SULT4A1: variants seen among roughly 807,000 people sequenced by gnomAD.
SULT4A1 encodes the protein sulfotransferase family 4A member 1.
SULT4A1 carries 11 observed loss-of-function variants against 35.2 expected under a neutral mutation model. The ratio of observed to expected loss-of-function variants is 0.31; its 90% CI spans 0.20 to 0.52. SULT4A1 has a LOEUF of 0.52. Ranked by LOEUF, SULT4A1 falls within the 20% of genes least tolerant of loss-of-function variation. The pLI is 0.97. For missense variants in SULT4A1, 271 were observed against 383.7 expected (o/e 0.71, Z 2.45); for synonymous variants, 152 against 151.8 (o/e 1.00, Z -0.01).
intron 1 of SULT4A1, among the ~76,000 whole-genome samples, chr22:43,853,336 G>A (rs1431142936): frequency 2.6e-5 from 4 of 152,246 alleles, no homozygotes; most frequent in African/African-American, 4.8e-5. Context: ...AGATGGGGCA[G>A]TTGCTGGGAC....
At chr22:43,829,266 GGCTGGGCACAC>G in intron 5 of SULT4A1, 68 bp from the exon 6 acceptor site, 1 of 1,445,016 alleles carries the variant, frequency 6.9e-7, no homozygotes. Flanking sequence ...CACGACCCCA[GGCTGGGCACAC>G]GCTGAGGACT....
intron 3 of SULT4A1, among the ~76,000 whole-genome samples, chr22:43,839,715 A>T (rs558263298): frequency 6.6e-6 from 1 of 152,358 alleles, no homozygotes; most frequent in Admixed American, 6.5e-5. Context: ...GGCTGGCCAC[A>T]GCCATGTTTG....
chr22:43,847,217 A>C (rs1272572185), intron 1 of SULT4A1, among the ~76,000 whole-genome samples: 2 of 152,132 alleles, frequency 1.3e-5, no homozygotes, highest in Non-Finnish European at 2.9e-5. Context: ...ACACACCACG[A>C]AACACGCAGG....
chr22:43,829,446 T>C (rs2063310111), intron 5 of SULT4A1, among the ~76,000 whole-genome samples: 1 of 152,228 alleles, frequency 6.6e-6, no homozygotes, highest in Non-Finnish European at 1.5e-5. Context: ...GTTGCAGACA[T>C]GAGGTCTTAA....
At chr22:43,827,844 CAAAACTA>C (rs1415519834) in intron 6 of SULT4A1, among the ~76,000 whole-genome samples, 1 of 151,578 alleles carries the variant, frequency 6.6e-6, no homozygotes, top group Admixed American at 6.6e-5. Context: ...ACAGCAAAAG[CAAAACTA>C]AAAAAGAGCA....
intron 4 of SULT4A1, among the ~76,000 whole-genome samples, chr22:43,836,246 T>C: frequency 7.8e-6 from 1 of 128,522 alleles, no homozygotes. Flanking sequence ...CAACTGCAGG[T>C]GCCACAGGGA....
chr22:43,845,588 G>A (rs1443429499), intron 1 of SULT4A1, among the ~76,000 whole-genome samples: 3 of 151,970 alleles, frequency 2.0e-5, no homozygotes, highest in Non-Finnish European at 2.9e-5. Flanking sequence ...TGCTTCCTAC[G>A]AGGGCTCCTC....
intron 4 of SULT4A1, among the ~76,000 whole-genome samples, 159 bp from the exon 5 acceptor site, chr22:43,833,893 T>G (rs1343115816): frequency 6.6e-6 from 1 of 152,190 alleles, no homozygotes; most frequent in African/African-American, 2.4e-5. Flanking sequence ...CCCGAGGCAC[T>G]CACGTCTTGA....
chr22:43,838,821 A>G (rs756988696), intron 4 of SULT4A1, 46 bp downstream of exon 4: 1 of 1,610,930 alleles, frequency 6.2e-7, no homozygotes, highest in South Asian at 1.1e-5. Context: ...CGTCCACGAC[A>G]ACAGACGGCT....
At chr22:43,831,659 G>A (rs975768136) in intron 5 of SULT4A1, among the ~76,000 whole-genome samples, 1 of 152,266 alleles carries the variant, frequency 6.6e-6, no homozygotes, top group South Asian at 2.1e-4. Flanking sequence ...GCGCCACGCA[G>A]GTGGAGGAGC....
intron 1 of SULT4A1, among the ~76,000 whole-genome samples, chr22:43,852,276 T>C (rs1307531997): frequency 6.6e-6 from 1 of 151,356 alleles, no homozygotes; most frequent in Non-Finnish European, 1.5e-5. Context: ...CAAGGGATCC[T>C]CCCACCTCAG....
chr22:43,835,066 C>G (rs2063358705), intron 4 of SULT4A1, among the ~76,000 whole-genome samples: 1 of 127,322 alleles, frequency 7.9e-6, no homozygotes, highest in Non-Finnish European at 1.6e-5. Context: ...GCGCCCCCAC[C>G]GCGGCCCTGA....
chr22:43,837,182 G>A (rs1358323117), intron 4 of SULT4A1, among the ~76,000 whole-genome samples: 3 of 152,248 alleles, frequency 2.0e-5, no homozygotes, highest in African/African-American at 7.2e-5. Context: ...TGCTCACTGA[G>A]TGACAATGAA....
chr22:43,829,270 G>A, intron 5 of SULT4A1, 72 bp from the exon 6 acceptor site: 2 of 1,432,608 alleles, frequency 1.4e-6, no homozygotes, highest in East Asian at 2.7e-5. Context: ...ACCCCAGGCT[G>A]GGCACACGCT....
intron 1 of SULT4A1, among the ~76,000 whole-genome samples, 194 bp downstream of exon 1, chr22:43,862,020 C>A (rs892844801): frequency 3.5e-4 from 53 of 152,258 alleles, no homozygotes; most frequent in African/African-American, 1.3e-3. Flanking sequence ...AGAACCAAGC[C>A]CCTTCCCACC....
At chr22:43,860,076 C>A (rs1409720951) in intron 1 of SULT4A1, among the ~76,000 whole-genome samples, 2 of 152,212 alleles carry the variant, frequency 1.3e-5, no homozygotes, top group Non-Finnish European at 1.5e-5. Context: ...CCCCTTTGAA[C>A]CCCAGTTTCT....
chr22:43,843,880 C>T (rs8139241), intron 1 of SULT4A1, among the ~76,000 whole-genome samples: 291 of 152,308 alleles, frequency 1.9e-3, no homozygotes, highest in Non-Finnish European at 3.2e-3. Context: ...GTGTGCGAAC[C>T]CCAATTTATA....
At chr22:43,827,742 C>G (rs112003576) in intron 6 of SULT4A1, 1 of 695,404 alleles carries the variant, frequency 1.4e-6, no homozygotes, top group South Asian at 1.5e-5. Flanking sequence ...AGTATGTTCT[C>G]GACGCTGCTT....
chr22:43,836,554 T>A (rs113892098), intron 4 of SULT4A1, among the ~76,000 whole-genome samples: 2 of 117,726 alleles, frequency 1.7e-5, no homozygotes, highest in African/African-American at 3.5e-5. Context: ...ACAGGGATCC[T>A]GTCTACACAG....
Sources: gnomAD v4.1 joint callset for allele counts (sites outside exome capture counted in the v4.1 genomes callset) on GRCh38, gnomAD v4.1.1 for gene constraint, MANE v1.5 for transcripts, NCBI Gene and HGNC (gene_info 2026-07-23, HGNC 2026-07-21) for gene names.